Variants in NCAPD3 observed in about 807,000 individuals in gnomAD.
NCAPD3 encodes the protein non-SMC condensin II complex subunit D3.
NCAPD3 carries 105 observed loss-of-function variants against 182.9 expected under a neutral mutation model. The ratio of observed to expected loss-of-function variants is 0.57; its 90% CI spans 0.49 to 0.68. The LOEUF (loss-of-function observed/expected upper bound fraction) is 0.68, where lower values mean the gene tolerates loss of function less well. Among genes scored for constraint, NCAPD3 ranks in the 30% least tolerant of loss-of-function variants. The probability of loss-of-function intolerance (pLI) is 0.00; values close to 1 mark genes in which losing one functional copy is unlikely to be tolerated. For synonymous variants in NCAPD3, 815 were observed against 679.9 expected (o/e 1.20, Z -3.09); for missense variants, 1,944 against 1,837.0 (o/e 1.06, Z -1.07).
At chr11:134,201,341 A>G (rs748604645) in intron 13 of NCAPD3, among the ~76,000 whole-genome samples, 1 of 152,122 alleles carries the variant, frequency 6.6e-6, no homozygotes, top group Non-Finnish European at 1.5e-5. Context: ...AGGCAATTTT[A>G]TAAGGAAAGA....
intron 20 of NCAPD3, among the ~76,000 whole-genome samples, chr11:134,180,195 G>A (rs1191917237): frequency 6.6e-6 from 1 of 152,092 alleles, no homozygotes; most frequent in African/African-American, 2.4e-5. Flanking sequence ...GTGAGGCTCT[G>A]TATTCCTGAT....
rs561615504 is a variant in NCAPD3, at chr11:134,216,804, C to T, written c.382+132G>A. 1.0e-4 allele frequency: 85 copies of T among 842,530 alleles called. No individual in the cohort carries two copies. In the African/African-American group the frequency reaches 1.3e-3, roughly 13 times the overall value. 52.2% of individuals were successfully genotyped at this position (842,530 alleles called of 1,614,324 possible). A position where few individuals can be genotyped will look rare whatever the true frequency, so the allele number is the denominator to read the frequency against. ...ATGTACTTTAGAGACTTGCTCCTCG[C>T]AACAACTCTCTGCCATGGGTTAGCA... On this transcript the variant is annotated intron_variant, in intron 3 of 34. Transcript: ENST00000534548.
chr11:134,179,040 T>C lies in NCAPD3; in HGVS notation c.2560-104A>G. 6 of 741,846 alleles carry C rather than the reference T, an allele frequency of 8.1e-6. No individual in the cohort carries two copies. In the South Asian group the frequency reaches 9.0e-5, roughly 11 times the overall value. 46.0% of individuals were successfully genotyped at this position (741,846 alleles called of 1,614,324 possible). ...GAGTATTTCCTTTATCCCCCAAATT[T>C]AAAACAATGTTACTAGTTTTCGTTT... On this transcript the variant is annotated intron_variant, in intron 20 of 34. Transcript: ENST00000534548.
chr11:134,188,798 C>A (rs757155890), intron 16 of NCAPD3, among the ~76,000 whole-genome samples: 1 of 152,184 alleles, frequency 6.6e-6, no homozygotes, highest in Non-Finnish European at 1.5e-5. Context: ...TTCTTGAAGT[C>A]AGCGAGACCA....
At chr11:134,207,570 A>T (rs1269995868) in intron 7 of NCAPD3, among the ~76,000 whole-genome samples, 3 of 151,890 alleles carry the variant, frequency 2.0e-5, no homozygotes, top group Admixed American at 1.3e-4. Flanking sequence ...ACATGGTGAA[A>T]CCCCATCTCT....
intron 4 of NCAPD3, 132 bp downstream of exon 4, chr11:134,210,138 G>C (rs1591860796): frequency 2.9e-6 from 2 of 691,046 alleles, no homozygotes; most frequent in Non-Finnish European, 2.5e-6. Context: ...AGCAGTATTG[G>C]ATAGCTTATG....
intron 7 of NCAPD3, among the ~76,000 whole-genome samples, chr11:134,208,134 AC>A (rs1937684327): frequency 6.6e-6 from 1 of 152,032 alleles, no homozygotes; most frequent in Non-Finnish European, 1.5e-5. Flanking sequence ...GATGTGCGGA[AC>A]CCCCCAAGCA....
intron 19 of NCAPD3, among the ~76,000 whole-genome samples, 200 bp downstream of exon 19, chr11:134,184,437 G>A (rs912703000): frequency 9.9e-5 from 15 of 152,236 alleles, no homozygotes; most frequent in South Asian, 2.1e-4. Flanking sequence ...TAAGGGTGCC[G>A]TGTCTCTTAG....
At chr11:134,186,037 A>G (rs1944399291) in intron 16 of NCAPD3, 1 of 151,936 alleles carries the variant, frequency 6.6e-6, no homozygotes. Flanking sequence ...CCTCCCGAGT[A>G]GCTGGGACTA....
At position 134,217,012 on chromosome 11, in the gene NCAPD3, C is replaced by T. The variant is rs1938051383; in HGVS notation, c.306G>A (p.Lys102=). The change falls in exon 3 of 35, where the codon AAG becomes AAA. Residue 102 remains lysine (K), a synonymous_variant. Coordinates refer to ENST00000534548, the MANE Select transcript of NCAPD3 (RefSeq NM_015261.3). ...LFYHFVQIVH[K]KNVSVQYREY... is the part of the protein sequence containing the mutation. Reference sequence around the variant, plus strand: ...CTCGATACTGTACACTGACATTCTTCTTATGAACTATTTGAACAAAATGAT... The same window carrying T: ...CTCGATACTGTACACTGACATTCTTTTTATGAACTATTTGAACAAAATGAT... 1.9e-6 allele frequency: 3 copies of T among 1,614,046 alleles called. No homozygotes were observed. Among genetic ancestry groups the T allele is most frequent in the Non-Finnish European group, 2.5e-6 (3 of 1,179,976 alleles).
intron 16 of NCAPD3, among the ~76,000 whole-genome samples, chr11:134,187,589 C>T (rs964000653): frequency 2.0e-5 from 3 of 152,188 alleles, no homozygotes; most frequent in Admixed American, 6.5e-5. Flanking sequence ...ACCCTTACTA[C>T]TCTGGCTGCT....
intron 24 of NCAPD3, among the ~76,000 whole-genome samples, chr11:134,170,912 G>A (rs896250990): frequency 2.6e-5 from 4 of 152,240 alleles, no homozygotes; most frequent in Non-Finnish European, 5.9e-5. Context: ...AAGAGGGCAA[G>A]TTTCAGCCTT....
At chr11:134,179,447 C>A (rs973371865) in intron 20 of NCAPD3, among the ~76,000 whole-genome samples, 1 of 152,178 alleles carries the variant, frequency 6.6e-6, no homozygotes, top group African/African-American at 2.4e-5. Flanking sequence ...TGTTTAATGA[C>A]TACATAAGTA....
intron 27 of NCAPD3, among the ~76,000 whole-genome samples, chr11:134,164,636 G>A (rs182999754): frequency 9.9e-5 from 15 of 151,334 alleles, no homozygotes; most frequent in East Asian, 5.9e-4. Flanking sequence ...TGAGCTTGAG[G>A]GAGCCGCATA....
intron 13 of NCAPD3, among the ~76,000 whole-genome samples, chr11:134,200,574 A>G (rs979610710): frequency 4.6e-5 from 7 of 152,186 alleles, no homozygotes; most frequent in African/African-American, 1.7e-4. Context: ...AAAGACAGAC[A>G]TGGCAAGTGT....
chr11:134,222,534 C>T (rs1487536281), intron 1 of NCAPD3, among the ~76,000 whole-genome samples: 1 of 152,140 alleles, frequency 6.6e-6, no homozygotes, highest in African/African-American at 2.4e-5. Flanking sequence ...TTTTGTGAAA[C>T]ATAATGTGTA....
At chr11:134,173,031 G>T in intron 24 of NCAPD3, 1 of 153,186 alleles carries the variant, frequency 6.5e-6, no homozygotes, top group South Asian at 1.9e-4. Context: ...GCAGTGCAAG[G>T]ACCTGCAGGG....
intron 1 of NCAPD3, 151 bp downstream of exon 1, chr11:134,223,712 G>T: frequency 1.1e-6 from 1 of 887,898 alleles, no homozygotes. Flanking sequence ...CCGCAATCCT[G>T]GCGTGGCACG....
chr11:134,165,616 C>A (rs781248662), intron 27 of NCAPD3, among the ~76,000 whole-genome samples: 11 of 146,234 alleles, frequency 7.5e-5, no homozygotes, highest in Non-Finnish European at 1.2e-4. Context: ...GGGAGGCGCA[C>A]ACTCGTGAGA....
Sources: gnomAD v4.1 joint callset for allele counts (sites outside exome capture counted in the v4.1 genomes callset) on GRCh38, gnomAD v4.1.1 for gene constraint, MANE v1.5 for transcripts, NCBI Gene and HGNC (gene_info 2026-07-23, HGNC 2026-07-21) for gene names.